Variants in CMTM4 observed in about 807,000 individuals in gnomAD.
The protein encoded by CMTM4 is CKLF like MARVEL transmembrane domain containing 4.
A neutral mutation model predicts 19.0 loss-of-function variants in CMTM4; 8 were observed. That is an observed-to-expected ratio of 0.42 (90% CI 0.25 to 0.76). The LOEUF (loss-of-function observed/expected upper bound fraction) is 0.76, where lower values mean the gene tolerates loss of function less well. Among genes scored for constraint, CMTM4 ranks in the 30% least tolerant of loss-of-function variants. The pLI is 0.27. For synonymous variants in CMTM4, 106 were observed against 121.1 expected (o/e 0.88, Z 0.82); for missense variants, 228 against 290.2 (o/e 0.79, Z 1.56).
At chr16:66,613,246 A>G (rs532107693), downstream of CMTM4, 2 of 650,682 alleles carry the variant, frequency 3.1e-6, no homozygotes, top group Non-Finnish European at 5.6e-6. Context: ...AACACCTCCC[A>G]CCCTTGGAAA....
chr16:66,645,670 A>C (rs2016181176), intron 1 of CMTM4, among the ~76,000 whole-genome samples: 1 of 151,552 alleles, frequency 6.6e-6, no homozygotes, highest in Non-Finnish European at 1.5e-5. Flanking sequence ...ATGACGCTGC[A>C]CTGTGTGTCG....
At position 66,618,127 on chromosome 16, in the gene CMTM4, A is replaced by G; in HGVS notation, c.*3931T>C. On this transcript the variant is annotated 3_prime_UTR_variant, in exon 4 of 4. Transcript: ENST00000394106. ...CCTGGAAAAAACCCTGGATTCTGCA[A>G]CTTCACTAGGAAATAACAAGGCACC... The G allele has an allele frequency of 4.1e-6, 4 of 985,496 alleles. No homozygotes were observed. The highest frequency in any genetic ancestry group is 4.8e-6 in the Non-Finnish European group (4 of 829,966). 61.0% of individuals were successfully genotyped at this position (985,496 alleles called of 1,614,324 possible).
At chr16:66,614,247 G>C (rs2015483892), downstream of CMTM4, among the ~76,000 whole-genome samples, 1 of 152,220 alleles carries the variant, frequency 6.6e-6, no homozygotes, top group Admixed American at 6.5e-5. The surrounding 1 kb of genome is among the most constrained non-coding windows in gnomAD (Gnocchi z 4.9). Context: ...AGGGGTTGGG[G>C]ACCCCTGCTC....
chr16:66,663,278 T>C (rs1332320655), intron 1 of CMTM4, among the ~76,000 whole-genome samples: 1 of 152,072 alleles, frequency 6.6e-6, no homozygotes, highest in Non-Finnish European at 1.5e-5. Flanking sequence ...AAAAAGACAA[T>C]CAACAGATGC....
chr16:66,671,940 A>T (rs1005995046), intron 1 of CMTM4, among the ~76,000 whole-genome samples: 3 of 151,914 alleles, frequency 2.0e-5, no homozygotes, highest in Non-Finnish European at 4.4e-5. Context: ...CTTACAGAGG[A>T]TCACTTGGAC....
At chr16:66,657,629 T>G (rs1428008435) in intron 1 of CMTM4, among the ~76,000 whole-genome samples, 1 of 152,224 alleles carries the variant, frequency 6.6e-6, no homozygotes, top group African/African-American at 2.4e-5. Flanking sequence ...AAGCATATAT[T>G]GTTTTATACT....
At chr16:66,642,749 T>G (rs2016118749) in intron 1 of CMTM4, among the ~76,000 whole-genome samples, 2 of 151,894 alleles carry the variant, frequency 1.3e-5, no homozygotes, top group African/African-American at 2.4e-5. Context: ...AAACCAGAAT[T>G]GATATTAACA....
chr16:66,626,304 T>C (rs2015737056), intron 2 of CMTM4, among the ~76,000 whole-genome samples: 1 of 152,004 alleles, frequency 6.6e-6, no homozygotes, highest in Non-Finnish European at 1.5e-5. Context: ...ACCCCGTCTC[T>C]ACTAAAAAAT....
chr16:66,672,042 C>T (rs1353091550), intron 1 of CMTM4, among the ~76,000 whole-genome samples: 1 of 151,558 alleles, frequency 6.6e-6, no homozygotes, highest in Admixed American at 6.6e-5. Context: ...CACACACACA[C>T]ACGTATATAT....
intron 1 of CMTM4, among the ~76,000 whole-genome samples, chr16:66,672,728 G>A (rs1471201131): frequency 6.6e-6 from 1 of 151,436 alleles, no homozygotes; most frequent in African/African-American, 2.4e-5. Context: ...TCCTGCCTCA[G>A]CCTCCCAAGA....
At chr16:66,671,222 G>T (rs763106653) in intron 1 of CMTM4, among the ~76,000 whole-genome samples, 8 of 152,192 alleles carry the variant, frequency 5.3e-5, no homozygotes, top group Admixed American at 2.6e-4. Flanking sequence ...TGTGCGGCTG[G>T]AGAATGAAGA....
At chr16:66,600,126 G>GGGGGGGGGGGGGGGTT in the CMTM4 span, among the ~76,000 whole-genome samples, 1 of 144,770 alleles carries the variant, frequency 6.9e-6, no homozygotes, top group African/African-American at 2.6e-5. Context: ...GTGTGTGTGT[G>GGGGGGGGGGGGGGGTT]TGTGTGTGTG....
intron 1 of CMTM4, among the ~76,000 whole-genome samples, chr16:66,646,147 A>T (rs1308079671): frequency 6.6e-6 from 1 of 152,208 alleles, no homozygotes; most frequent in African/African-American, 2.4e-5. Flanking sequence ...CACAAGGCAT[A>T]AAGTGACCCC....
intron 2 of CMTM4, among the ~76,000 whole-genome samples, chr16:66,630,418 G>C (rs1464664796): frequency 2.0e-5 from 3 of 149,478 alleles, no homozygotes; most frequent in African/African-American, 7.4e-5. Context: ...GCTGCCATCT[G>C]GGCTCAATGC....
At chr16:66,629,164 T>C (rs1448231928) in intron 2 of CMTM4, among the ~76,000 whole-genome samples, 1 of 152,188 alleles carries the variant, frequency 6.6e-6, no homozygotes, top group African/African-American at 2.4e-5. Context: ...ACAAATGAAA[T>C]ATTTGTACAC....
chr16:66,623,759 A>C (rs1367042122), intron 2 of CMTM4, among the ~76,000 whole-genome samples: 3 of 152,212 alleles, frequency 2.0e-5, no homozygotes, highest in Non-Finnish European at 2.9e-5. Flanking sequence ...ATAGTAACCA[A>C]AATTGCTAAC....
At chr16:66,655,232 A>G (rs373218566) in intron 1 of CMTM4, among the ~76,000 whole-genome samples, 4 of 152,100 alleles carry the variant, frequency 2.6e-5, no homozygotes, top group East Asian at 3.9e-4. Flanking sequence ...CGGCCTCCCA[A>G]AGTGCTGAGA....
At chr16:66,606,028 C>T in the CMTM4 span, among the ~76,000 whole-genome samples, 12 of 151,990 alleles carry the variant, frequency 7.9e-5, no homozygotes, top group Non-Finnish European at 1.8e-4. Flanking sequence ...CTTGAACCCC[C>T]CCATCCCCAC....
chr16:66,669,018 C>G (rs550101779), intron 1 of CMTM4, among the ~76,000 whole-genome samples: 6 of 152,126 alleles, frequency 3.9e-5, no homozygotes, highest in African/African-American at 1.4e-4. Context: ...CCTACATTCA[C>G]AGAAAAAAAT....
Sources: allele counts gnomAD v4.1 joint callset (sites outside exome capture counted in the v4.1 genomes callset), GRCh38; gene constraint gnomAD v4.1.1; non-coding constraint Gnocchi (gnomAD v3.1); transcripts MANE v1.5; gene names NCBI Gene and HGNC (gene_info 2026-07-23, HGNC 2026-07-21).